The following GPHN variants were observed in gnomAD, a reference collection of about 807,000 sequenced individuals.
The protein encoded by GPHN is gephyrin.
In GPHN, 17 loss-of-function variants were observed where a neutral mutation model predicts 95.5. That is an observed-to-expected ratio of 0.18 (90% CI 0.12 to 0.27). The LOEUF is 0.27. Ranked by LOEUF, GPHN falls within the 10% of genes least tolerant of loss-of-function variation. The pLI, the probability that GPHN is intolerant of heterozygous loss-of-function variation, is 1.00. For synonymous variants in GPHN, 320 were observed against 322.5 expected (o/e 0.99, Z 0.08); for missense variants, 660 against 978.1 (o/e 0.67, Z 4.34).
At chr14:67,211,421 C>T in the GPHN span, among the ~76,000 whole-genome samples, 1 of 151,948 alleles carries the variant, frequency 6.6e-6, no homozygotes, top group Non-Finnish European at 1.5e-5. Context: ...ATAAACTGAA[C>T]CTAGAGGAGA....
At chr14:66,918,713 A>C (rs546683483) in intron 6 of GPHN, among the ~76,000 whole-genome samples, 1 of 152,190 alleles carries the variant, frequency 6.6e-6, no homozygotes, top group South Asian at 2.1e-4. Context: ...TCCATGGACA[A>C]CAAAGACATT....
the GPHN span, among the ~76,000 whole-genome samples, chr14:67,415,003 G>A: frequency 6.6e-6 from 1 of 152,354 alleles, no homozygotes; most frequent in Non-Finnish European, 1.5e-5. Context: ...AATGCCCCCA[G>A]CAGCGACCTG....
the GPHN span, among the ~76,000 whole-genome samples, chr14:67,708,171 AT>A: frequency 6.6e-6 from 1 of 152,216 alleles, no homozygotes; most frequent in South Asian, 2.1e-4. Context: ...ACTTTAGTCA[AT>A]TGCTAAAAGC....
At chr14:66,647,901 G>A (rs1490173761) in intron 1 of GPHN, among the ~76,000 whole-genome samples, 2 of 152,104 alleles carry the variant, frequency 1.3e-5, no homozygotes, top group Non-Finnish European at 2.9e-5. Flanking sequence ...ACTCACAAAG[G>A]CAATCAGCTT....
intron 11 of GPHN, among the ~76,000 whole-genome samples, chr14:67,063,956 C>T (rs2075930075): frequency 6.6e-6 from 1 of 152,188 alleles, no homozygotes; most frequent in Non-Finnish European, 1.5e-5. Context: ...CTGGCCAGAA[C>T]TTCCAACACC....
intron 9 of GPHN, among the ~76,000 whole-genome samples, chr14:66,983,336 G>A (rs561893001): frequency 6.6e-6 from 1 of 152,296 alleles, no homozygotes; most frequent in South Asian, 2.1e-4. Flanking sequence ...GATGATTAAT[G>A]GAGGACTAAA....
chr14:67,621,632 A>C, the GPHN span, among the ~76,000 whole-genome samples: 1 of 151,684 alleles, frequency 6.6e-6, no homozygotes, highest in Admixed American at 6.6e-5. Context: ...TTTAGTAGAC[A>C]CGGGGTTTCA....
chr14:67,577,757 C>G, the GPHN span, among the ~76,000 whole-genome samples: 2 of 151,880 alleles, frequency 1.3e-5, no homozygotes, highest in Non-Finnish European at 2.9e-5. Context: ...TTTGAGTTTT[C>G]TGTTTTTGTT....
chr14:66,602,478 G>T (rs2062300420), intron 1 of GPHN, among the ~76,000 whole-genome samples: 1 of 151,908 alleles, frequency 6.6e-6, no homozygotes, highest in African/African-American at 2.4e-5. Context: ...GAAATTAGAA[G>T]ATAACCTATT....
intron 10 of GPHN, among the ~76,000 whole-genome samples, chr14:67,049,630 A>C (rs2075210577): frequency 6.6e-6 from 1 of 151,232 alleles, no homozygotes; most frequent in Non-Finnish European, 1.5e-5. Context: ...CTTCTGCCTC[A>C]GCCTCCCGAG....
intron 7 of GPHN, among the ~76,000 whole-genome samples, chr14:66,923,738 G>A (rs950422968): frequency 6.6e-6 from 1 of 151,790 alleles, no homozygotes; most frequent in Non-Finnish European, 1.5e-5. Flanking sequence ...ATTGCTATAT[G>A]ACATAATTAT....
At chr14:67,460,657 T>C in the GPHN span, among the ~76,000 whole-genome samples, 1 of 152,074 alleles carries the variant, frequency 6.6e-6, no homozygotes, top group African/African-American at 2.4e-5. Context: ...TGAGCCAAGA[T>C]TGCACCACTG....
chr14:67,315,640 T>A, the GPHN span, among the ~76,000 whole-genome samples: 1 of 152,220 alleles, frequency 6.6e-6, no homozygotes, highest in African/African-American at 2.4e-5. Context: ...AAGAATACAG[T>A]CTTGGCCGTG....
the GPHN span, chr14:67,570,379 AAAAAC>A: frequency 4.2e-6 from 3 of 709,868 alleles, no homozygotes; most frequent in Non-Finnish European, 5.2e-6. Context: ...ACTACATTTT[AAAAAC>A]AAAAATCAGA....
chr14:66,826,345 T>G (rs1009895028), intron 4 of GPHN, among the ~76,000 whole-genome samples: 10 of 152,086 alleles, frequency 6.6e-5, no homozygotes, highest in Non-Finnish European at 8.8e-5. Context: ...TAAATGTGGG[T>G]TTTTTTACTC....
the GPHN span, among the ~76,000 whole-genome samples, chr14:67,537,680 A>C: frequency 6.6e-6 from 1 of 152,130 alleles, no homozygotes. Flanking sequence ...AAAAAGAAAA[A>C]AAAGTAATCT....
intron 4 of GPHN, among the ~76,000 whole-genome samples, chr14:66,856,684 A>G (rs946754240): frequency 2.6e-5 from 4 of 152,124 alleles, no homozygotes; most frequent in Non-Finnish European, 5.9e-5. Context: ...AGACCTAATC[A>G]TATGTGAAAA....
At chr14:66,833,481 T>G (rs576057337) in intron 4 of GPHN, among the ~76,000 whole-genome samples, 1 of 152,122 alleles carries the variant, frequency 6.6e-6, no homozygotes. Flanking sequence ...TCACTGCCGT[T>G]ATTCAGAGAT....
intron 10 of GPHN, among the ~76,000 whole-genome samples, chr14:67,041,594 C>T (rs2074709950): frequency 1.3e-5 from 2 of 152,174 alleles, no homozygotes; most frequent in Admixed American, 1.3e-4. Context: ...ATATGTGCCA[C>T]ATTTTCTTAA....
Sources: allele counts gnomAD v4.1 joint callset (sites outside exome capture counted in the v4.1 genomes callset), GRCh38; gene constraint gnomAD v4.1.1; transcripts MANE v1.5; gene names NCBI Gene and HGNC (gene_info 2026-07-23, HGNC 2026-07-21).